Variants in GRIA3 observed in about 807,000 individuals in gnomAD.
The protein encoded by GRIA3 is glutamate ionotropic receptor AMPA type subunit 3, also known as glutamate receptor 3.
In GRIA3, 3 loss-of-function variants were observed where a neutral mutation model predicts 63.0. That is an observed-to-expected ratio of 0.05 (90% CI 0.02 to 0.12). GRIA3 has a LOEUF of 0.12. GRIA3 is among the 10% of genes least tolerant of loss of function. The pLI, the probability that GRIA3 is intolerant of heterozygous loss-of-function variation, is 1.00. For missense variants in GRIA3, 347 were observed against 700.9 expected, an observed-to-expected ratio of 0.50 and a Z score of 5.70; for synonymous variants, 274 against 257.9, an observed-to-expected ratio of 1.06 and a Z score of -0.60.
chrX:123,483,708 G>A lies in GRIA3; in HGVS notation c.*2+662G>A, dbSNP rs184692510. Among the ~76,000 whole-genome samples, 694 of 112,252 alleles carry A rather than the reference G, an allele frequency of 6.2e-3. 10 individuals carry two copies. The highest frequency in any genetic ancestry group is 0.021 in the African/African-American group (642 of 30,891). On this transcript the variant is annotated intron_variant, in intron 15 of 15. Transcript: ENST00000620443. The stretch of plus-strand genomic sequence containing the variant: ...AGCACTTTGGGAGGCTGAGGCGGGT[G>A]GATCACGCAGTCAGGAGATCGAGAC...
chrX:123,447,311 C>CA (rs1039158593), intron 12 of GRIA3, among the ~76,000 whole-genome samples: 1 of 111,606 alleles, frequency 9.0e-6, no homozygotes, highest in African/African-American at 3.3e-5. Flanking sequence ...ACACAACAAA[C>CA]AAAAAATAAT....
intron 2 of GRIA3, among the ~76,000 whole-genome samples, chrX:123,198,548 C>T (rs959264309): frequency 1.8e-5 from 2 of 111,660 alleles, no homozygotes; most frequent in African/African-American, 6.5e-5. Flanking sequence ...CCTGTATGCC[C>T]TGTGAATTTG....
intron 12 of GRIA3, among the ~76,000 whole-genome samples, chrX:123,433,025 C>A (rs1397647009): frequency 9.0e-6 from 1 of 111,728 alleles, no homozygotes; most frequent in Non-Finnish European, 1.9e-5. Context: ...CAGAAATCAT[C>A]ATGACAGAGA....
rs141178355 is a variant in GRIA3 at position 123,314,293 on chromosome X, G to A, written c.509-11733G>A. On this transcript the variant is annotated intron_variant, in intron 3 of 15. Transcript: ENST00000620443. ...AATCCTCTCATGGCATCTGTTAAGA[G>A]CTCAACAGTCCATGGAGAAACTTTG... Among the ~76,000 whole-genome samples the A allele has an allele frequency of 3.2e-4, 36 of 111,947 alleles. No individual in the cohort carries two copies. In the East Asian group the frequency reaches 8.5e-3, roughly 26 times the overall value.
At chrX:123,454,629 T>G (rs1482491520) in intron 12 of GRIA3, among the ~76,000 whole-genome samples, 1 of 111,020 alleles carries the variant, frequency 9.0e-6, no homozygotes. Context: ...GTAGCACTCC[T>G]CTCCCCAAGT....
chrX:123,463,576 A>AGGG (rs2045806659), intron 12 of GRIA3, among the ~76,000 whole-genome samples: 5 of 13,752 alleles, frequency 3.6e-4, no homozygotes, highest in East Asian at 5.9e-3. Context: ...GGAAGGAAGG[A>AGGG]AGGGAGGGAG....
At position 123,432,089 on chromosome X, in the gene GRIA3, T is replaced by C. The variant is rs755693684; in HGVS notation, c.2076+3950T>C. ...TAAACATTATTTTCCATTGATGTAA[T>C]AGAATTATTTTAAAATGTTTTTAAA... On this transcript the variant is annotated intron_variant, in intron 12 of 15. Coordinates refer to ENST00000620443, the MANE Select transcript of GRIA3 (RefSeq NM_007325.5). 8.9e-5 allele frequency among the ~76,000 whole-genome samples: 10 copies of C among 112,158 alleles called. No individual in the cohort carries two copies. In the South Asian group the frequency reaches 1.8e-3, roughly 21 times the overall value.
chrX:123,326,217 C>A lies in GRIA3; in HGVS notation c.696+4C>A, dbSNP rs770064569. The A allele has an allele frequency of 3.4e-6, 4 of 1,191,953 alleles. No individual in the cohort carries two copies. The African/African-American group carries it at 7.1e-5, about 21-fold the overall frequency. On this transcript the variant is annotated splice_donor_region_variant and intron_variant, in intron 4 of 15. Transcript: ENST00000620443. ...GATTAACACAATTTTGGAACAGGTA[C>A]GTTTGAGATTTATTTCACCGCCAGC...
intron 1 of GRIA3, 109 bp downstream of exon 1, chrX:123,184,753 G>C (rs1164811861): frequency 1.0e-5 from 6 of 578,126 alleles, no homozygotes; most frequent in Non-Finnish European, 1.8e-5. Context: ...CCTGGGAACT[G>C]GGACTGGGGC....
intron 2 of GRIA3, among the ~76,000 whole-genome samples, chrX:123,205,717 T>C (rs1451370089): frequency 3.6e-5 from 4 of 111,911 alleles, no homozygotes. Flanking sequence ...GAGTTGCCAG[T>C]AAAGACCCTG....
intron 6 of GRIA3, among the ~76,000 whole-genome samples, chrX:123,396,226 T>TAATAATAAG (rs2147379551): frequency 9.6e-6 from 1 of 104,603 alleles, no homozygotes; most frequent in South Asian, 4.2e-4. Flanking sequence ...ATAATAATAA[T>TAATAATAAG]AATAATAATG....
At chrX:123,297,096 G>C (rs1239140827) in intron 3 of GRIA3, among the ~76,000 whole-genome samples, 1 of 111,273 alleles carries the variant, frequency 9.0e-6, no homozygotes, top group Non-Finnish European at 1.9e-5. Context: ...GTGGTCCATA[G>C]ACCAGAAGCA....
chrX:123,287,906 A>G (rs1166256843), intron 3 of GRIA3, among the ~76,000 whole-genome samples: 2 of 112,220 alleles, frequency 1.8e-5, no homozygotes, highest in Non-Finnish European at 3.8e-5. Context: ...ACAGAATTAG[A>G]AAAAACTACT....
intron 3 of GRIA3, among the ~76,000 whole-genome samples, chrX:123,272,406 C>G (rs1398433649): frequency 2.7e-5 from 3 of 112,170 alleles, no homozygotes; most frequent in Non-Finnish European, 3.8e-5. Flanking sequence ...ACCTTTGAGC[C>G]TCTGAATAGT....
chrX:123,432,320 G>A (rs1480309410), intron 12 of GRIA3, among the ~76,000 whole-genome samples: 1 of 112,309 alleles, frequency 8.9e-6, no homozygotes, highest in East Asian at 2.8e-4. Context: ...TACATTAAAT[G>A]TCTGATGGTG....
chrX:123,221,985 ACAC>A (rs2044221934), intron 2 of GRIA3, among the ~76,000 whole-genome samples: 2 of 111,601 alleles, frequency 1.8e-5, no homozygotes, highest in African/African-American at 6.5e-5. Context: ...CACAATGACC[ACAC>A]CACTAGTCAT....
At chrX:123,290,738 T>C (rs1211984974) in intron 3 of GRIA3, among the ~76,000 whole-genome samples, 1 of 111,381 alleles carries the variant, frequency 9.0e-6, no homozygotes, top group Non-Finnish European at 1.9e-5. Flanking sequence ...TCCAATGCTC[T>C]TTTTCGCATT....
At chrX:123,274,214 T>C (rs1380814084) in intron 3 of GRIA3, among the ~76,000 whole-genome samples, 1 of 112,770 alleles carries the variant, frequency 8.9e-6, no homozygotes, top group Non-Finnish European at 1.9e-5. Context: ...TGTTGTTTAT[T>C]TGAAATTCAA....
chrX:123,466,223 G>T (rs2045832844), intron 13 of GRIA3, among the ~76,000 whole-genome samples: 2 of 111,794 alleles, frequency 1.8e-5, no homozygotes, highest in Admixed American at 9.5e-5. Context: ...CACAGAGGTT[G>T]GTTGGTTGAG....
Sources: gnomAD v4.1 joint callset for allele counts (sites outside exome capture counted in the v4.1 genomes callset) on GRCh38, gnomAD v4.1.1 for gene constraint, MANE v1.5 for transcripts, NCBI Gene and HGNC (gene_info 2026-07-23, HGNC 2026-07-21) for gene names.